Variants in CCDC198 observed in about 807,000 individuals in gnomAD.
CCDC198 encodes the protein coiled-coil domain containing 198.
A neutral mutation model predicts 35.6 loss-of-function variants in CCDC198; 18 were observed. That is an observed-to-expected ratio of 0.51 (90% confidence interval 0.35 to 0.75). The LOEUF (loss-of-function observed/expected upper bound fraction) is 0.75, where lower values mean the gene tolerates loss of function less well. Ranked by LOEUF, CCDC198 falls within the 30% of genes least tolerant of loss-of-function variation. The probability of loss-of-function intolerance (pLI) is 0.01; values close to 1 mark genes in which losing one functional copy is unlikely to be tolerated. For missense variants in CCDC198, 365 were observed against 343.7 expected, an observed-to-expected ratio of 1.06 and a Z score of -0.49; for synonymous variants, 119 against 113.4, an observed-to-expected ratio of 1.05 and a Z score of -0.31.
chr14:57,475,145 C>T (rs2066935206), intron 5 of CCDC198, among the ~76,000 whole-genome samples: 1 of 151,612 alleles, frequency 6.6e-6, no homozygotes, highest in Non-Finnish European at 1.5e-5. Context: ...CCTGTAGTCC[C>T]AGCTACTCGG....
At chr14:57,473,589 G>C (rs2066884336) in intron 5 of CCDC198, among the ~76,000 whole-genome samples, 1 of 152,016 alleles carries the variant, frequency 6.6e-6, no homozygotes. Flanking sequence ...CATCCTGATC[G>C]TGACCCCACT....
chr14:57,480,860 T>A (rs917785152), intron 4 of CCDC198, 106 bp from the exon 5 acceptor site: 5 of 1,050,610 alleles, frequency 4.8e-6, no homozygotes, highest in African/African-American at 4.8e-5. Context: ...TCTGTAGACA[T>A]CTGCAGTCCT....
chr14:57,493,510 T>C lies in CCDC198; in HGVS notation c.206A>G (p.Tyr69Cys). The C allele has an allele frequency of 6.2e-7, 1 of 1,613,792 alleles. No individual in the cohort carries two copies. Among genetic ancestry groups the C allele is most frequent in the Non-Finnish European group, 8.5e-7 (1 of 1,179,772 alleles). ...ATGTTTACCTGTAGAATATCTTCCA[T>C]ACCAGTTTTCTTGTAAAGGTGGCAG... ...GQLPPLQENW[Y>C]GRYSTASRDM... The change falls in exon 1 of 6, where the codon TAT becomes TGT. Residue 69 changes from tyrosine to cysteine, a missense_variant. Coordinates refer to ENST00000216445, the MANE Select transcript of CCDC198 (RefSeq NM_018168.4).
intron 1 of CCDC198, among the ~76,000 whole-genome samples, chr14:57,492,151 C>T (rs1272591892): frequency 6.6e-6 from 1 of 151,912 alleles, no homozygotes; most frequent in Non-Finnish European, 1.5e-5. Context: ...TAGGCTGTGT[C>T]AGGCATTTAT....
In CCDC198 at chr14:57,493,767, C is replaced by G; in HGVS notation, c.-52G>C. 1 of 1,380,028 alleles carries G rather than the reference C, an allele frequency of 7.2e-7. No homozygotes were observed. The allele number at this position is 1,380,028 out of a possible 1,614,324, so 85.5% of individuals were successfully genotyped here. A position where few individuals can be genotyped will look rare whatever the true frequency, so the allele number is the denominator to read the frequency against. On this transcript the variant is annotated 5_prime_UTR_variant, in exon 1 of 6. Coordinates refer to ENST00000216445, the MANE Select transcript of CCDC198 (RefSeq NM_018168.4). ...GCTGCGAGGGAAGTGGTTTTGGGGTCTTTAATATAGCTTATTTTAATCAAA... is the reference window on the plus strand; with the variant it reads ...GCTGCGAGGGAAGTGGTTTTGGGGTGTTTAATATAGCTTATTTTAATCAAA...
intron 5 of CCDC198, among the ~76,000 whole-genome samples, chr14:57,477,395 T>C (rs1393838424): frequency 6.6e-6 from 1 of 152,194 alleles, no homozygotes; most frequent in African/African-American, 2.4e-5. Context: ...TAGTTAATTA[T>C]GATATCATTA....
intron 5 of CCDC198, among the ~76,000 whole-genome samples, chr14:57,476,608 T>A (rs1450861055): frequency 6.6e-6 from 1 of 152,242 alleles, no homozygotes; most frequent in Non-Finnish European, 1.5e-5. Context: ...GTAAAATACA[T>A]GTAAAGCGTG....
chr14:57,481,515 A>T (rs760585418), intron 4 of CCDC198, 44 bp downstream of exon 4: 8 of 1,295,960 alleles, frequency 6.2e-6, no homozygotes, highest in Non-Finnish European at 8.9e-6. Context: ...GGCAGTGATT[A>T]TGTGATGAAA....
Position 57,483,094 on chromosome 14 carries a change from G to T in CCDC198, c.364C>A (p.Arg122=). ...VITSGRLLSQ[R]EARTMHKAKQ... ...GCTTTGTGCATTGTCCTGGCTTCTCGCTGGCTCAGGAGTCTTCCTGAAGTA... is the reference window on the plus strand; with the variant it reads ...GCTTTGTGCATTGTCCTGGCTTCTCTCTGGCTCAGGAGTCTTCCTGAAGTA... The change falls in exon 3 of 6, where the codon CGA becomes AGA. Residue 122 remains arginine, a synonymous_variant. Coordinates refer to ENST00000216445, the MANE Select transcript of CCDC198 (RefSeq NM_018168.4). 1 of 1,614,028 alleles carries T rather than the reference G, an allele frequency of 6.2e-7. No individual in the cohort carries two copies.
intron 2 of CCDC198, among the ~76,000 whole-genome samples, chr14:57,484,568 G>C (rs1361542735): frequency 1.3e-5 from 2 of 152,204 alleles, no homozygotes; most frequent in East Asian, 3.8e-4. Context: ...CTTTTTAGTA[G>C]AAATTGGAAG....
rs1474768924 is a variant in CCDC198, at chr14:57,470,632, C to G, written c.*723G>C. Reference sequence around the variant, plus strand: ...GGATTACAGGTGTGAGCCACCACATCCAGCCCATCTATTTGTTTTATGTAA... The same window carrying G: ...GGATTACAGGTGTGAGCCACCACATGCAGCCCATCTATTTGTTTTATGTAA... On this transcript the variant is annotated 3_prime_UTR_variant, in exon 6 of 6. Coordinates refer to ENST00000216445, the MANE Select transcript of CCDC198 (RefSeq NM_018168.4). The G allele has an allele frequency of 1.3e-5, 2 of 152,278 alleles. No homozygotes were observed. The highest frequency in any genetic ancestry group is 4.8e-5 in the African/African-American group (2 of 41,464). 9.4% of individuals were successfully genotyped at this position (152,278 alleles called of 1,614,324 possible). A position where few individuals can be genotyped will look rare whatever the true frequency, so the allele number is the denominator to read the frequency against.
intron 1 of CCDC198, 80 bp downstream of exon 1, chr14:57,493,413 T>C (rs779556984): frequency 1.6e-6 from 2 of 1,217,746 alleles, no homozygotes; most frequent in Non-Finnish European, 2.4e-6. Context: ...CTTTCTGAGA[T>C]CATGGAGACA....
At chr14:57,483,254 C>T (rs993223592) in intron 2 of CCDC198, 103 bp from the exon 3 acceptor site, 1 of 1,552,696 alleles carries the variant, frequency 6.4e-7, no homozygotes, top group African/African-American at 1.4e-5. Flanking sequence ...AAAAGCGGCA[C>T]TTATTTCTGA....
intron 2 of CCDC198, among the ~76,000 whole-genome samples, chr14:57,488,985 G>A (rs979177633): frequency 3.4e-4 from 51 of 152,118 alleles, no homozygotes; most frequent in African/African-American, 1.1e-3. Context: ...AAGACCTAGA[G>A]GCAGAAATAC....
chr14:57,474,036 C>A (rs939047047), intron 5 of CCDC198, among the ~76,000 whole-genome samples: 5 of 152,202 alleles, frequency 3.3e-5, no homozygotes, highest in African/African-American at 1.2e-4. Flanking sequence ...GTTTAAATGT[C>A]CCTTCCTCAT....
intron 2 of CCDC198, 73 bp downstream of exon 2, chr14:57,490,916 G>T (rs773597364): frequency 1.5e-6 from 2 of 1,309,256 alleles, no homozygotes; most frequent in South Asian, 2.6e-5. Flanking sequence ...CCTCTTTGAT[G>T]ATTATAGTTT....
chr14:57,486,473 TAAA>T (rs778691287), intron 2 of CCDC198, among the ~76,000 whole-genome samples: 1 of 144,134 alleles, frequency 6.9e-6, no homozygotes, highest in Non-Finnish European at 1.5e-5. Context: ...TTTCCGGGAT[TAAA>T]AAAAAAAAAA....
At chr14:57,480,164 T>C (rs2067135463) in intron 5 of CCDC198, 1 of 516,978 alleles carries the variant, frequency 1.9e-6, no homozygotes, top group African/African-American at 2.1e-5. Flanking sequence ...CCAAAGAGAG[T>C]TGACCTCCAC....
chr14:57,478,041 A>C (rs1057061288), intron 5 of CCDC198, among the ~76,000 whole-genome samples: 1 of 152,084 alleles, frequency 6.6e-6, no homozygotes, highest in South Asian at 2.1e-4. Context: ...TTTGTGCACT[A>C]CTGATGCAGC....
Sources: gnomAD v4.1 joint callset for allele counts (sites outside exome capture counted in the v4.1 genomes callset) on GRCh38, gnomAD v4.1.1 for gene constraint, MANE v1.5 for transcripts, NCBI Gene and HGNC (gene_info 2026-07-23, HGNC 2026-07-21) for gene names.